The following SDK1 variants were observed in gnomAD, a reference collection of about 807,000 sequenced individuals.
SDK1 encodes the protein sidekick cell adhesion molecule 1, also known as protein sidekick-1.
SDK1 carries 157 observed loss-of-function variants against 245.5 expected under a neutral mutation model. The ratio of observed to expected loss-of-function variants is 0.64; its 90% CI spans 0.56 to 0.73. SDK1 has a LOEUF of 0.73. Among genes scored for constraint, SDK1 ranks in the 30% least tolerant of loss-of-function variants. SDK1 has a pLI of 0.00. For synonymous variants in SDK1, 1,647 were observed against 1,278.5 expected, an observed-to-expected ratio of 1.29 and a Z score of -6.15; for missense variants, 3,583 against 3,002.3, an observed-to-expected ratio of 1.19 and a Z score of -4.52.
intron 1 of SDK1, among the ~76,000 whole-genome samples, chr7:3,517,725 C>T (rs79473242): frequency 0.013 from 1,959 of 152,210 alleles, 10 homozygotes; most frequent in Non-Finnish European, 0.02. Context: ...ATCATCTGTT[C>T]GCCTTGAATT....
intron 4 of SDK1, among the ~76,000 whole-genome samples, chr7:3,723,308 G>A (rs943872774): frequency 1.3e-5 from 2 of 152,138 alleles, no homozygotes; most frequent in Non-Finnish European, 2.9e-5. Flanking sequence ...TAGAAAACAG[G>A]CAGCACTTTC....
chr7:3,924,854 G>T (rs1025075360), intron 5 of SDK1, among the ~76,000 whole-genome samples: 12 of 152,118 alleles, frequency 7.9e-5, no homozygotes, highest in African/African-American at 2.9e-4. Flanking sequence ...GAGGTGAGGG[G>T]TCTGCTGCCT....
chr7:3,418,480 C>G (rs914905055), intron 1 of SDK1, among the ~76,000 whole-genome samples: 1 of 152,122 alleles, frequency 6.6e-6, no homozygotes, highest in African/African-American at 2.4e-5. Context: ...CTGCTTATCA[C>G]TCAGCCAAAA....
chr7:3,548,621 G>A (rs1779305605), intron 1 of SDK1, among the ~76,000 whole-genome samples: 1 of 152,130 alleles, frequency 6.6e-6, no homozygotes, highest in African/African-American at 2.4e-5. Flanking sequence ...GTGTTTGAGG[G>A]CACCCAGGCT....
intron 4 of SDK1, among the ~76,000 whole-genome samples, chr7:3,721,535 G>A (rs935559199): frequency 4.6e-5 from 7 of 152,204 alleles, no homozygotes; most frequent in African/African-American, 1.7e-4. Flanking sequence ...TGGGAGGAGG[G>A]CCTTGAGATG....
intron 5 of SDK1, among the ~76,000 whole-genome samples, chr7:3,869,936 T>C (rs1211885567): frequency 6.6e-6 from 1 of 152,232 alleles, no homozygotes; most frequent in Non-Finnish European, 1.5e-5. Flanking sequence ...AGAAATGCCA[T>C]GTTGTATTTA....
chr7:3,957,487 C>A (rs1034631470), intron 7 of SDK1, among the ~76,000 whole-genome samples: 1 of 152,148 alleles, frequency 6.6e-6, no homozygotes. Context: ...AAAAAGAAAA[C>A]GCTCAACTAA....
At position 3,455,841 on chromosome 7, in the gene SDK1, G is replaced by A. The variant is rs757090226; in HGVS notation, c.298+153957G>A. Among the ~76,000 whole-genome samples, 2 of 152,172 alleles carry A rather than the reference G, an allele frequency of 1.3e-5. 1 individual carries two copies. Among genetic ancestry groups the A allele is most frequent in the East Asian group, 3.8e-4 (2 of 5,200 alleles). On this transcript the variant is annotated intron_variant, in intron 1 of 44. Transcript: ENST00000404826. ...CTTTGCTGAGATTTTGATAGGAATTGTGTTAAGCCAATAGATCAATTTGGC... is the reference window on the plus strand; with the variant it reads ...CTTTGCTGAGATTTTGATAGGAATTATGTTAAGCCAATAGATCAATTTGGC...
chr7:4,149,075 C>T (rs1780176271), intron 29 of SDK1, among the ~76,000 whole-genome samples, 187 bp from the exon 30 acceptor site: 1 of 151,728 alleles, frequency 6.6e-6, no homozygotes, highest in Admixed American at 6.6e-5. Context: ...CAAAACAAAA[C>T]AAAACAAAAA....
At chr7:3,451,257 C>T (rs908789139) in intron 1 of SDK1, among the ~76,000 whole-genome samples, 6 of 151,568 alleles carry the variant, frequency 4.0e-5, no homozygotes, top group East Asian at 1.9e-4. Flanking sequence ...TTCCAAGAGA[C>T]AAGCCCGGAG....
In SDK1 at chr7:4,210,074, G is replaced by A. The variant is rs773330327; in HGVS notation, c.5451G>A (p.Thr1817=). 2.2e-5 allele frequency: 35 copies of A among 1,608,640 alleles called. No individual in the cohort carries two copies. Among genetic ancestry groups the A allele is most frequent in the Non-Finnish European group, 2.5e-5 (30 of 1,178,072 alleles). ...FLAFSEITST[T]LNVSWGEPAA... ...CGTTCTCAGAAATAACCTCCACCAC[G>A]CTCAACGTGTCCTGGGGCGAGCCTG... The change falls in exon 38 of 45, where the codon ACG becomes ACA. Residue 1817 remains threonine (T), a synonymous_variant. Coordinates refer to ENST00000404826, the MANE Select transcript of SDK1 (RefSeq NM_152744.4).
intron 5 of SDK1, among the ~76,000 whole-genome samples, chr7:3,837,472 T>C (rs893993342): frequency 6.6e-6 from 1 of 152,218 alleles, no homozygotes; most frequent in Admixed American, 6.5e-5. Flanking sequence ...AAATACTCAC[T>C]GTGGAATCTT....
chr7:4,166,569 G>C, intron 32 of SDK1, among the ~76,000 whole-genome samples: 1 of 152,338 alleles, frequency 6.6e-6, no homozygotes, highest in Non-Finnish European at 1.5e-5. Flanking sequence ...CGGGTATTGC[G>C]TGTTGAGCCT....
intron 1 of SDK1, among the ~76,000 whole-genome samples, chr7:3,456,366 C>T (rs1342325812): frequency 6.6e-6 from 1 of 152,120 alleles, no homozygotes; most frequent in Non-Finnish European, 1.5e-5. Context: ...GGATCTTTTG[C>T]TTTTGTATTA....
intron 5 of SDK1, among the ~76,000 whole-genome samples, chr7:3,847,882 T>C (rs967424517): frequency 4.6e-5 from 7 of 152,220 alleles, no homozygotes; most frequent in Admixed American, 2.0e-4. Context: ...TTGGAGGTGG[T>C]GCTGATACAC....
chr7:3,578,642 A>T (rs1742064216), intron 1 of SDK1, among the ~76,000 whole-genome samples: 1 of 151,854 alleles, frequency 6.6e-6, no homozygotes, highest in African/African-American at 2.4e-5. Context: ...TGCAATTCTT[A>T]TCTTAGGGTC....
chr7:4,256,722 G>A (rs749420863), intron 44 of SDK1, among the ~76,000 whole-genome samples: 14 of 152,210 alleles, frequency 9.2e-5, no homozygotes, highest in Admixed American at 5.2e-4. Context: ...GGTGAAAGCC[G>A]TGGACAGAGG....
intron 4 of SDK1, among the ~76,000 whole-genome samples, chr7:3,691,814 T>G (rs1218814350): frequency 6.6e-6 from 1 of 152,144 alleles, no homozygotes; most frequent in Non-Finnish European, 1.5e-5. Flanking sequence ...GCTTATCTAC[T>G]TACTCATTCA....
intron 5 of SDK1, among the ~76,000 whole-genome samples, chr7:3,927,207 G>A (rs1779803191): frequency 6.6e-6 from 1 of 152,168 alleles, no homozygotes; most frequent in Non-Finnish European, 1.5e-5. Flanking sequence ...AAAAAGTTAG[G>A]AACGTGCTGG....
Sources: gnomAD v4.1 joint callset for allele counts (sites outside exome capture counted in the v4.1 genomes callset) on GRCh38, gnomAD v4.1.1 for gene constraint, MANE v1.5 for transcripts, NCBI Gene and HGNC (gene_info 2026-07-23, HGNC 2026-07-21) for gene names.